The following KCNJ6 variants were observed in gnomAD, a reference collection of about 807,000 sequenced individuals.
The protein encoded by KCNJ6 is potassium inwardly rectifying channel subfamily J member 6.
Under a neutral mutation model 34.2 loss-of-function variants are expected in KCNJ6, and 9 were observed. That is an observed-to-expected ratio of 0.26 (90% CI 0.16 to 0.46). The LOEUF is 0.46. KCNJ6 is among the 20% of genes least tolerant of loss of function. The pLI is 1.00. For missense variants in KCNJ6, 236 were observed against 531.3 expected, an observed-to-expected ratio of 0.44 and a Z score of 5.46; for synonymous variants, 196 against 207.1, an observed-to-expected ratio of 0.95 and a Z score of 0.46.
intron 1 of KCNJ6, among the ~76,000 whole-genome samples, chr21:37,914,738 C>T (rs545303385): frequency 6.6e-6 from 1 of 152,166 alleles, no homozygotes; most frequent in Non-Finnish European, 1.5e-5. Context: ...TGGGCATCAC[C>T]CTTTTCCGTT....
At chr21:37,743,942 T>C (rs1166527737) in intron 2 of KCNJ6, among the ~76,000 whole-genome samples, 1 of 152,040 alleles carries the variant, frequency 6.6e-6, no homozygotes. Flanking sequence ...AAGATTTTTG[T>C]GGGGAGTGAA....
intron 1 of KCNJ6, among the ~76,000 whole-genome samples, chr21:37,889,606 A>G (rs2123632873): frequency 6.6e-6 from 1 of 152,172 alleles, no homozygotes; most frequent in East Asian, 1.9e-4. Context: ...TCAGTTCTGG[A>G]GGCCAGAAGC....
chr21:37,767,919 G>A (rs928784771), intron 2 of KCNJ6, among the ~76,000 whole-genome samples: 1 of 152,132 alleles, frequency 6.6e-6, no homozygotes, highest in African/African-American at 2.4e-5. Context: ...ACCTAAGCTT[G>A]GAAAATGATC....
intron 3 of KCNJ6, among the ~76,000 whole-genome samples, chr21:37,685,294 G>A (rs2054608273): frequency 6.6e-6 from 1 of 151,834 alleles, no homozygotes; most frequent in East Asian, 2.0e-4. Context: ...AGGTAGGATT[G>A]GAAATCAAAT....
intron 3 of KCNJ6, among the ~76,000 whole-genome samples, chr21:37,704,845 T>TC (rs397954807): frequency 1.3e-5 from 2 of 151,996 alleles, no homozygotes; most frequent in East Asian, 1.9e-4. Flanking sequence ...CTTTTTTTTT[T>TC]CCTCCCTTAA....
At chr21:37,724,370 G>C (rs858040) in intron 2 of KCNJ6, among the ~76,000 whole-genome samples, 113,527 of 152,046 alleles carry the variant, frequency 0.75, 42,564 homozygotes, top group East Asian at 0.92. Flanking sequence ...CTATTACTAG[G>C]TTTTAGCTCA....
chr21:37,619,396 C>T lies in KCNJ6; in HGVS notation c.*5763G>A, dbSNP rs908269574. 5.9e-5 allele frequency: 9 copies of T among 152,182 alleles called. No individual in the cohort carries two copies. Among genetic ancestry groups the T allele is most frequent in the African/African-American group, 1.4e-4 (6 of 41,442 alleles). 9.4% of individuals were successfully genotyped at this position (152,182 alleles called of 1,614,324 possible). A position where few individuals can be genotyped will look rare whatever the true frequency, so the allele number is the denominator to read the frequency against. ...TTGTCTTTGCTTCAGACTCAGAAAG[C>T]GCAAGAAATCCAACAACCCTTTACT... On this transcript the variant is annotated 3_prime_UTR_variant, in exon 4 of 4. Coordinates refer to ENST00000609713, the MANE Select transcript of KCNJ6 (RefSeq NM_002240.5).
intron 2 of KCNJ6, among the ~76,000 whole-genome samples, chr21:37,771,395 A>C (rs1416848634): frequency 1.3e-5 from 2 of 152,170 alleles, no homozygotes; most frequent in African/African-American, 2.4e-5. Context: ...TGTGCCCAAG[A>C]GTTTTGGTCT....
chr21:37,815,656 A>C (rs1249779551), intron 2 of KCNJ6, among the ~76,000 whole-genome samples: 1 of 152,216 alleles, frequency 6.6e-6, no homozygotes, highest in African/African-American at 2.4e-5. Context: ...GCCTTAGACA[A>C]GGTGGTCTAT....
intron 1 of KCNJ6, among the ~76,000 whole-genome samples, chr21:37,904,682 G>A (rs1410358093): frequency 6.6e-6 from 1 of 152,140 alleles, no homozygotes; most frequent in Admixed American, 6.5e-5. Flanking sequence ...TTCTATCAAA[G>A]CATAAGTGAG....
At chr21:37,704,898 C>T (rs886872565) in intron 3 of KCNJ6, among the ~76,000 whole-genome samples, 1 of 151,960 alleles carries the variant, frequency 6.6e-6, no homozygotes, top group Non-Finnish European at 1.5e-5. Flanking sequence ...CTTGGTTGCA[C>T]TTTGGGTTAT....
chr21:37,780,461 T>A (rs2055163803), intron 2 of KCNJ6, among the ~76,000 whole-genome samples: 1 of 152,110 alleles, frequency 6.6e-6, no homozygotes, highest in African/African-American at 2.4e-5. Flanking sequence ...ATGTAAACTG[T>A]GGACTCTAGC....
At chr21:37,805,411 T>A (rs1417562226) in intron 2 of KCNJ6, among the ~76,000 whole-genome samples, 1 of 151,810 alleles carries the variant, frequency 6.6e-6, no homozygotes, top group East Asian at 1.9e-4. Flanking sequence ...AAAAATACGC[T>A]CTGTCAATCT....
chr21:37,850,451 C>T (rs1017173150), intron 1 of KCNJ6, among the ~76,000 whole-genome samples: 6 of 151,986 alleles, frequency 3.9e-5, no homozygotes, highest in Non-Finnish European at 5.9e-5. Flanking sequence ...CACAGGAGTG[C>T]GAACCCTATT....
chr21:37,865,358 C>A (rs569570301), intron 1 of KCNJ6, among the ~76,000 whole-genome samples: 1 of 152,220 alleles, frequency 6.6e-6, no homozygotes, highest in Non-Finnish European at 1.5e-5. Flanking sequence ...TTTCAGATAA[C>A]CGTATATACT....
intron 2 of KCNJ6, among the ~76,000 whole-genome samples, chr21:37,774,134 G>C (rs2055130580): frequency 6.6e-6 from 1 of 152,074 alleles, no homozygotes; most frequent in African/African-American, 2.4e-5. Context: ...AGCATAACAG[G>C]TAAGAGTGAG....
chr21:37,866,994 A>G (rs538080023), intron 1 of KCNJ6, among the ~76,000 whole-genome samples: 3 of 152,340 alleles, frequency 2.0e-5, no homozygotes, highest in African/African-American at 7.2e-5. Flanking sequence ...GGCAACGCAA[A>G]CATGATTATT....
intron 2 of KCNJ6, among the ~76,000 whole-genome samples, chr21:37,839,213 A>T (rs2055466793): frequency 6.6e-6 from 1 of 152,188 alleles, no homozygotes; most frequent in Non-Finnish European, 1.5e-5. Context: ...TAACATTTTC[A>T]GTTTGCAAGA....
intron 2 of KCNJ6, among the ~76,000 whole-genome samples, chr21:37,758,660 C>T (rs549550948): frequency 2.0e-5 from 3 of 151,908 alleles, no homozygotes; most frequent in Admixed American, 2.0e-4. Flanking sequence ...TTTTTTGAGA[C>T]AGGGTCTGGC....
Sources: gnomAD v4.1 joint callset for allele counts (sites outside exome capture counted in the v4.1 genomes callset) on GRCh38, gnomAD v4.1.1 for gene constraint, MANE v1.5 for transcripts, NCBI Gene and HGNC (gene_info 2026-07-23, HGNC 2026-07-21) for gene names.